CLMP: variants seen among roughly 807,000 people sequenced by gnomAD.
CLMP encodes CXADR-like membrane protein.
Under a neutral mutation model 45.2 loss-of-function variants are expected in CLMP, and 27 were observed. The ratio of observed to expected loss-of-function variants is 0.60; its 90% CI spans 0.44 to 0.82. The LOEUF (loss-of-function observed/expected upper bound fraction) is 0.82. CLMP is among the 40% of genes least tolerant of loss of function. The pLI, the probability that CLMP is intolerant of heterozygous loss-of-function variation, is 0.00. For synonymous variants in CLMP, 167 were observed against 171.4 expected, an observed-to-expected ratio of 0.97 and a Z score of 0.20; for missense variants, 403 against 448.4, an observed-to-expected ratio of 0.90 and a Z score of 0.91.
chr11:123,172,905 T>C (rs1366174184), intron 1 of CLMP, among the ~76,000 whole-genome samples: 1 of 152,248 alleles, frequency 6.6e-6, no homozygotes, highest in Non-Finnish European at 1.5e-5. Context: ...TTAAATGTTT[T>C]TTAAAGAGGT....
chr11:123,174,831 C>T (rs528210580), intron 1 of CLMP, among the ~76,000 whole-genome samples: 2 of 152,256 alleles, frequency 1.3e-5, no homozygotes, highest in South Asian at 4.2e-4. Context: ...GCATTCCTTC[C>T]CTGGATTAAA....
rs572622264 is a variant in CLMP at position 123,191,182 on chromosome 11, T to G, written c.28+3731A>C. Among the ~76,000 whole-genome samples the G allele has an allele frequency of 1.2e-4, 19 of 152,324 alleles. No homozygotes were observed. In the South Asian group the frequency reaches 1.5e-3, roughly 12 times the overall value. On this transcript the variant is annotated intron_variant, in intron 1 of 6. Transcript: ENST00000448775. ...CGATTGATTTAAACAGTCTCTTAGT[T>G]TTCCTCCAGTTCTGGCAATCTTTGA...
At chr11:123,118,003 C>G (rs540564478) in intron 1 of CLMP, among the ~76,000 whole-genome samples, 1 of 152,274 alleles carries the variant, frequency 6.6e-6, no homozygotes, top group African/African-American at 2.4e-5. Context: ...GGGGAGAAAT[C>G]TTTGGAATAT....
chr11:123,194,785 G>T, intron 1 of CLMP, 128 bp downstream of exon 1: 1 of 1,139,414 alleles, frequency 8.8e-7, no homozygotes, highest in Non-Finnish European at 1.3e-6. Flanking sequence ...TGGCCAGGAG[G>T]CAGGGACTGA....
intron 1 of CLMP, among the ~76,000 whole-genome samples, chr11:123,112,770 A>AT (rs34587716): frequency 0.23 from 25,652 of 113,980 alleles, 3,871 homozygotes; most frequent in African/African-American, 0.31. Flanking sequence ...GTTAGTACCC[A>AT]TTTTTTTTTT....
At chr11:123,142,782 G>A (rs111258431) in intron 1 of CLMP, among the ~76,000 whole-genome samples, 7 of 145,110 alleles carry the variant, frequency 4.8e-5, no homozygotes, top group South Asian at 2.3e-4. Flanking sequence ...GCCCGCCACT[G>A]CGCCCGGCTA....
chr11:123,112,238 A>ACTATATGTT (rs1860649019), intron 1 of CLMP, among the ~76,000 whole-genome samples: 1 of 152,248 alleles, frequency 6.6e-6, no homozygotes, highest in East Asian at 1.9e-4. Context: ...GAATGCTCTG[A>ACTATATGTT]CTATATGTAA....
At chr11:123,074,594 T>C in intron 6 of CLMP, 108 bp downstream of exon 6, 1 of 1,162,420 alleles carries the variant, frequency 8.6e-7, no homozygotes, top group Non-Finnish European at 1.2e-6. Context: ...ATAATCCTTT[T>C]AACAGATTCA....
At chr11:123,146,695 C>G (rs554901200) in intron 1 of CLMP, among the ~76,000 whole-genome samples, 8 of 152,244 alleles carry the variant, frequency 5.3e-5, no homozygotes, top group African/African-American at 1.9e-4. Context: ...GACTTCAGCT[C>G]TCTTTCATCT....
At chr11:123,160,316 G>T (rs926056314) in intron 1 of CLMP, among the ~76,000 whole-genome samples, 101 of 103,664 alleles carry the variant, frequency 9.7e-4, no homozygotes, top group Non-Finnish European at 1.9e-3. Flanking sequence ...GAAAGTAAAA[G>T]AATTTATTTC....
At chr11:123,112,567 C>T (rs1306588454) in intron 1 of CLMP, among the ~76,000 whole-genome samples, 1 of 151,932 alleles carries the variant, frequency 6.6e-6, no homozygotes, top group Non-Finnish European at 1.5e-5. Flanking sequence ...GAACTCCTGA[C>T]CTCAGGTGAG....
chr11:123,092,542 C>T (rs1591454275), intron 2 of CLMP, among the ~76,000 whole-genome samples: 1 of 152,234 alleles, frequency 6.6e-6, no homozygotes, highest in African/African-American at 2.4e-5. Flanking sequence ...GTGATCCACC[C>T]GCCTTGGCCT....
At chr11:123,093,635 C>G (rs1207096048) in intron 2 of CLMP, among the ~76,000 whole-genome samples, 2 of 152,142 alleles carry the variant, frequency 1.3e-5, no homozygotes, top group Non-Finnish European at 2.9e-5. Flanking sequence ...TCCCAAAGTG[C>G]TAGGATTACA....
intron 1 of CLMP, among the ~76,000 whole-genome samples, chr11:123,111,341 G>A (rs1860635302): frequency 6.6e-6 from 1 of 152,114 alleles, no homozygotes; most frequent in Admixed American, 6.5e-5. Flanking sequence ...GTGTTGGCCT[G>A]GCTGGCATGG....
chr11:123,094,965 A>T (rs1865973062), intron 2 of CLMP, among the ~76,000 whole-genome samples: 1 of 152,238 alleles, frequency 6.6e-6, no homozygotes, highest in African/African-American at 2.4e-5. Flanking sequence ...ATGTCTTCTC[A>T]CTATAACCTC....
chr11:123,136,070 T>C (rs1227871391), intron 1 of CLMP: 3 of 602,844 alleles, frequency 5.0e-6, no homozygotes, highest in Non-Finnish European at 6.5e-6. Context: ...TTGCTTTGTT[T>C]GAATCTTTTT....
rs1473510149 is a variant in CLMP at position 123,194,896 on chromosome 11, C to A, written c.28+17G>T. ...GCCCACGGCCATCCAAACTCCCGCC[C>A]TCCCAGAGGCACTCACCTAGCAAGA... is the stretch of plus-strand genomic sequence containing the variant. On this transcript the variant is annotated intron_variant, in intron 1 of 6. Coordinates refer to ENST00000448775, the MANE Select transcript of CLMP (RefSeq NM_024769.5). 3 of 1,613,444 alleles carry A rather than the reference C, an allele frequency of 1.9e-6. No homozygotes were observed. The East Asian group carries it at 6.7e-5, about 36-fold the overall frequency.
chr11:123,090,289 C>CA (rs762196704), intron 2 of CLMP, among the ~76,000 whole-genome samples: 35,146 of 116,210 alleles, frequency 0.3, 4,749 homozygotes, highest in African/African-American at 0.39. Context: ...CACTAAAATA[C>CA]AAAAAAAAAA....
chr11:123,168,337 A>T (rs973808330), intron 1 of CLMP, among the ~76,000 whole-genome samples: 2 of 152,164 alleles, frequency 1.3e-5, no homozygotes, highest in Admixed American at 6.5e-5. Context: ...ACCAGACAGC[A>T]TCTAGGGCAG....
Sources: gnomAD v4.1 joint callset for allele counts (sites outside exome capture counted in the v4.1 genomes callset) on GRCh38, gnomAD v4.1.1 for gene constraint, MANE v1.5 for transcripts, NCBI Gene and HGNC (gene_info 2026-07-23, HGNC 2026-07-21) for gene names.